The following NEBL variants were observed in gnomAD, a reference collection of about 807,000 sequenced individuals.
NEBL encodes the protein LIM and SH3 protein 2.
NEBL carries 122 observed loss-of-function variants against 140.2 expected under a neutral mutation model. The ratio of observed to expected loss-of-function variants is 0.87; its 90% CI spans 0.75 to 1.01. The LOEUF (loss-of-function observed/expected upper bound fraction) is 1.01, where lower values mean the gene tolerates loss of function less well. NEBL is among the 50% of genes least tolerant of loss of function. NEBL has a pLI of 0.00. For synonymous variants in NEBL, 436 were observed against 398.9 expected (o/e 1.09, Z -1.11); for missense variants, 1,365 against 1,231.3 (o/e 1.11, Z -1.62).
chr10:20,837,724 G>A (rs1424871655), intron 13 of NEBL, among the ~76,000 whole-genome samples: 1 of 152,152 alleles, frequency 6.6e-6, no homozygotes, highest in Admixed American at 6.5e-5. Context: ...TTCTTCAAAG[G>A]ACAAGCTGAC....
chr10:21,253,728 G>C (rs1842618944), intron 1 of NEBL, among the ~76,000 whole-genome samples: 1 of 151,952 alleles, frequency 6.6e-6, no homozygotes, highest in Admixed American at 6.6e-5. Flanking sequence ...ATTTTTAGTA[G>C]AGATGGAGTT....
At chr10:21,041,709 G>A (rs1272220579) in intron 2 of NEBL, among the ~76,000 whole-genome samples, 1 of 152,066 alleles carries the variant, frequency 6.6e-6, no homozygotes, top group African/African-American at 2.4e-5. Context: ...TACTCCATAG[G>A]CAGAGCAGCG....
intron 3 of NEBL, among the ~76,000 whole-genome samples, chr10:21,197,380 G>T (rs992291585): frequency 2.0e-5 from 3 of 152,188 alleles, no homozygotes; most frequent in African/African-American, 4.8e-5. Flanking sequence ...GGAGTATAAA[G>T]TTGCATTAAT....
intron 1 of NEBL, among the ~76,000 whole-genome samples, chr10:21,288,436 C>A (rs1588604450): frequency 6.6e-6 from 1 of 151,172 alleles, no homozygotes; most frequent in South Asian, 2.1e-4. Context: ...CCACTGCACT[C>A]CAGCTTGGGT....
chr10:21,024,619 C>T (rs1166222645), intron 2 of NEBL, among the ~76,000 whole-genome samples: 1 of 151,900 alleles, frequency 6.6e-6, no homozygotes, highest in Non-Finnish European at 1.5e-5. Context: ...GCAACTCATA[C>T]TGCCTTATAC....
At chr10:21,101,122 T>G (rs1837457249) in intron 2 of NEBL, among the ~76,000 whole-genome samples, 1 of 152,214 alleles carries the variant, frequency 6.6e-6, no homozygotes, top group Admixed American at 6.5e-5. Context: ...GCCTGTCTCC[T>G]AGCCACATGA....
At chr10:20,912,092 C>T (rs1002057204) in intron 4 of NEBL, among the ~76,000 whole-genome samples, 13 of 152,320 alleles carry the variant, frequency 8.5e-5, no homozygotes, top group Middle Eastern at 3.4e-3. Flanking sequence ...TTCACACTAA[C>T]ACTATTTTAG....
chr10:21,282,464 C>T (rs1174344882), intron 1 of NEBL, among the ~76,000 whole-genome samples: 2 of 151,720 alleles, frequency 1.3e-5, no homozygotes, highest in East Asian at 1.9e-4. Context: ...CCAGGAAGGA[C>T]GAAGTCATAC....
chr10:20,862,723 A>G (rs1843841727), intron 7 of NEBL, among the ~76,000 whole-genome samples: 1 of 152,176 alleles, frequency 6.6e-6, no homozygotes, highest in African/African-American at 2.4e-5. Context: ...CAGGTATTGG[A>G]GTGACTTTGC....
chr10:20,992,510 G>A (rs766644774), intron 3 of NEBL, among the ~76,000 whole-genome samples: 1 of 152,092 alleles, frequency 6.6e-6, no homozygotes, highest in African/African-American at 2.4e-5. Context: ...GGCCCCAGTG[G>A]CAGAGGTTCT....
intron 5 of NEBL, among the ~76,000 whole-genome samples, chr10:20,874,613 T>C (rs1845300940): frequency 1.3e-5 from 2 of 152,210 alleles, no homozygotes; most frequent in Admixed American, 1.3e-4. Flanking sequence ...AGCCCACTTA[T>C]GCCTGAAGAT....
intron 3 of NEBL, among the ~76,000 whole-genome samples, chr10:20,888,578 C>T (rs1846740727): frequency 6.6e-6 from 1 of 152,220 alleles, no homozygotes. Flanking sequence ...TAGAACTTGA[C>T]AAAGGACAGT....
intron 1 of NEBL, among the ~76,000 whole-genome samples, chr10:21,290,950 T>C (rs2132306986): frequency 6.6e-6 from 1 of 152,278 alleles, no homozygotes; most frequent in South Asian, 2.1e-4. Context: ...CTATTGTCAG[T>C]TCATTTCAGC....
chr10:20,839,328 G>A (rs890421633), intron 13 of NEBL, among the ~76,000 whole-genome samples: 1 of 152,156 alleles, frequency 6.6e-6, no homozygotes, highest in African/African-American at 2.4e-5. Context: ...CACGGCAACA[G>A]AAGAATTTGC....
At chr10:21,291,226 C>A (rs1335924113) in intron 1 of NEBL, among the ~76,000 whole-genome samples, 4 of 152,060 alleles carry the variant, frequency 2.6e-5, no homozygotes, top group Non-Finnish European at 5.9e-5. Flanking sequence ...CTAAGAGAGG[C>A]CAGGCGCAGT....
chr10:20,907,957 C>T (rs1461072533), intron 4 of NEBL, among the ~76,000 whole-genome samples: 1 of 152,162 alleles, frequency 6.6e-6, no homozygotes, highest in Non-Finnish European at 1.5e-5. Flanking sequence ...TATACCTCAT[C>T]CAAGCTATGC....
intron 3 of NEBL, chr10:20,961,888 A>T (rs1457077559): frequency 1.2e-6 from 1 of 813,778 alleles, no homozygotes; most frequent in East Asian, 2.6e-5. Context: ...AAAAACACAG[A>T]TCTCAGCCGG....
At chr10:21,166,089 G>A (rs1001429927) in intron 2 of NEBL, among the ~76,000 whole-genome samples, 3 of 151,414 alleles carry the variant, frequency 2.0e-5, no homozygotes, top group Non-Finnish European at 4.4e-5. Flanking sequence ...GCCTGGTGGC[G>A]GGCGCCTGAA....
chr10:20,808,175 G>C (rs1307297752), intron 26 of NEBL, among the ~76,000 whole-genome samples: 1 of 151,826 alleles, frequency 6.6e-6, no homozygotes, highest in South Asian at 2.1e-4. Context: ...CAGAACTCAA[G>C]TTTCTCCTAT....
Sources: gnomAD v4.1 joint callset for allele counts (sites outside exome capture counted in the v4.1 genomes callset) on GRCh38, gnomAD v4.1.1 for gene constraint, MANE v1.5 for transcripts, NCBI Gene and HGNC (gene_info 2026-07-23, HGNC 2026-07-21) for gene names.